Variants in DCAF6 observed in about 807,000 individuals in gnomAD.
DCAF6 encodes DDB1- and CUL4-associated factor 6.
In DCAF6, 54 loss-of-function variants were observed where a neutral mutation model predicts 125.1. The ratio of observed to expected loss-of-function variants is 0.43; its 90% CI spans 0.35 to 0.54. The LOEUF (loss-of-function observed/expected upper bound fraction) is 0.54, where lower values mean the gene tolerates loss of function less well. DCAF6 is among the 20% of genes least tolerant of loss of function. DCAF6 has a pLI of 0.01. For missense variants in DCAF6, 934 were observed against 1,161.7 expected (o/e 0.80, Z 2.85); for synonymous variants, 371 against 390.4 (o/e 0.95, Z 0.58).
the DCAF6 span, chr1:167,875,087 T>C: frequency 6.6e-7 from 1 of 1,511,804 alleles, no homozygotes; most frequent in Non-Finnish European, 9.2e-7. Flanking sequence ...GCATGTTTTG[T>C]TTTAGTTCAA....
At chr1:167,875,092 G>A in the DCAF6 span, 2 of 1,559,594 alleles carry the variant, frequency 1.3e-6, no homozygotes, top group Admixed American at 1.7e-5. Context: ...TTTTGTTTTA[G>A]TTCAATAAAG....
intron 21 of DCAF6, among the ~76,000 whole-genome samples, chr1:168,074,373 G>T (rs901892579): frequency 3.3e-5 from 5 of 152,002 alleles, no homozygotes; most frequent in African/African-American, 9.7e-5. Context: ...TGTTTCTGGG[G>T]CAGAAACATC....
intron 1 of DCAF6, 34 bp downstream of exon 1, chr1:167,937,042 TCGC>T: frequency 6.4e-7 from 1 of 1,562,340 alleles, no homozygotes; most frequent in Non-Finnish European, 8.7e-7. Flanking sequence ...GGCGCTGAGG[TCGC>T]CGCCTAGAGT....
At chr1:167,965,888 G>T (rs141109546) in intron 2 of DCAF6, among the ~76,000 whole-genome samples, 94 of 152,230 alleles carry the variant, frequency 6.2e-4, no homozygotes, top group African/African-American at 2.2e-3. Context: ...ACCCGCTTTG[G>T]CCTCCCAAAG....
chr1:168,045,642 G>A (rs770227836), intron 16 of DCAF6, among the ~76,000 whole-genome samples: 11 of 152,082 alleles, frequency 7.2e-5, no homozygotes, highest in Admixed American at 2.6e-4. Flanking sequence ...CCTGGATTAA[G>A]GTAGTGTGTT....
At chr1:168,001,339 T>C (rs1420357359) in intron 7 of DCAF6, among the ~76,000 whole-genome samples, 7 of 151,640 alleles carry the variant, frequency 4.6e-5, no homozygotes, top group Admixed American at 4.6e-4. Flanking sequence ...CGGTCAAGAG[T>C]GATAGGTGCC....
chr1:167,954,612 G>A (rs1016356813), intron 2 of DCAF6, among the ~76,000 whole-genome samples: 5 of 151,528 alleles, frequency 3.3e-5, no homozygotes, highest in South Asian at 4.2e-4. Flanking sequence ...ACCACCAAGC[G>A]CGGCTAATTT....
At chr1:167,894,650 G>A in the DCAF6 span, among the ~76,000 whole-genome samples, 1 of 151,904 alleles carries the variant, frequency 6.6e-6, no homozygotes, top group Non-Finnish European at 1.5e-5. Context: ...TAATTTGGCT[G>A]GTCCTGATTT....
chr1:167,908,499 CAGTTAATA>C, the DCAF6 span, among the ~76,000 whole-genome samples: 1 of 152,086 alleles, frequency 6.6e-6, no homozygotes. Flanking sequence ...AAGGTGAATA[CAGTTAATA>C]AAGTATTATA....
Position 168,015,842 on chromosome 1 carries a change from G to T in DCAF6, c.1440G>T (p.Lys480Asn), listed in dbSNP as rs1684895285. The change falls in exon 11 of 22, where the codon AAG becomes AAT. Residue 480 changes from lysine to asparagine, a missense_variant. Physicochemically the swap from Lys to Asn is moderately conservative, Grantham distance 94 (BLOSUM62 0). This residue lies in a region of DCAF6 where 559 missense variants were observed against 635.5 expected (regional missense o/e 0.88). Transcript: ENST00000367840. ...AGCGCCTGCAACAACTGAGGCTTAA[G>T]AAGGCTGAGCAGCAGAGGCAGCAAG... is the stretch of plus-strand genomic sequence containing the variant. ...LRKRLQQLRL[K>N]KAEQQRQQEL... The T allele has an allele frequency of 6.5e-7, 1 of 1,538,548 alleles. No homozygotes were observed. The highest frequency in any genetic ancestry group is 2.5e-5 in the East Asian group (1 of 39,950).
the DCAF6 span, among the ~76,000 whole-genome samples, chr1:167,891,517 G>A: frequency 1.3e-4 from 19 of 151,856 alleles, no homozygotes; most frequent in East Asian, 2.0e-3. Context: ...GTAGCCGGGC[G>A]TGGTGGCGGG....
the DCAF6 span, among the ~76,000 whole-genome samples, chr1:167,926,549 G>A: frequency 0.012 from 1,758 of 152,302 alleles, 38 homozygotes; most frequent in African/African-American, 0.039. Context: ...CCAAGTCAGC[G>A]GTTCTCAACC....
intron 21 of DCAF6, 96 bp from the exon 22 acceptor site, chr1:168,075,275 T>C (rs890356780): frequency 8.4e-7 from 1 of 1,183,678 alleles, no homozygotes; most frequent in Non-Finnish European, 1.2e-6. Flanking sequence ...GGTGAACTGA[T>C]TTTTAATGCG....
chr1:167,978,723 G>T (rs1678630421), intron 4 of DCAF6, among the ~76,000 whole-genome samples: 1 of 152,160 alleles, frequency 6.6e-6, no homozygotes, highest in Non-Finnish European at 1.5e-5. Flanking sequence ...TTTTCACCCA[G>T]GCTGGAGAGC....
At chr1:167,949,824 T>C (rs1473867092) in intron 1 of DCAF6, among the ~76,000 whole-genome samples, 1 of 152,184 alleles carries the variant, frequency 6.6e-6, no homozygotes, top group Non-Finnish European at 1.5e-5. Context: ...TTTATTAAGG[T>C]ACTGTTCTTA....
chr1:167,903,453 ACTCGGGAGGCTGAGACATGAGAATTG>A, the DCAF6 span, among the ~76,000 whole-genome samples: 2 of 151,390 alleles, frequency 1.3e-5, no homozygotes, highest in African/African-American at 4.9e-5. Context: ...AATCCTAGCT[ACTCGGGAGGCTGAGACATGAGAATTG>A]CTTGAACCCA....
the DCAF6 span, chr1:167,880,442 G>T: frequency 7.5e-7 from 1 of 1,334,846 alleles, no homozygotes; most frequent in Admixed American, 1.7e-5. Flanking sequence ...CCCTACTTAT[G>T]CCTCAAAAGG....
chr1:167,991,692 C>T (rs1050747339), intron 6 of DCAF6, among the ~76,000 whole-genome samples: 49 of 152,098 alleles, frequency 3.2e-4, no homozygotes, highest in African/African-American at 1.1e-3. Context: ...AAGCTCTGTT[C>T]GATGCCTTCT....
chr1:167,943,040 GGGACTACAGGCACCCGCCACC>G (rs1672489594), intron 1 of DCAF6, among the ~76,000 whole-genome samples: 2 of 152,032 alleles, frequency 1.3e-5, no homozygotes, highest in African/African-American at 4.8e-5. Context: ...CCGAGTAGCT[GGGACTACAGGCACCCGCCACC>G]ACGCCCGGCT....
Sources: allele counts gnomAD v4.1 joint callset (sites outside exome capture counted in the v4.1 genomes callset), GRCh38; gene constraint gnomAD v4.1.1; regional missense constraint gnomAD v4.1.1; transcripts MANE v1.5; gene names NCBI Gene and HGNC (gene_info 2026-07-23, HGNC 2026-07-21).